VPS50: variants seen among roughly 807,000 people sequenced by gnomAD.
The protein encoded by VPS50 is VPS50 subunit of EARP/GARPII complex.
VPS50 carries 70 observed loss-of-function variants against 139.7 expected under a neutral mutation model. The observed-to-expected ratio is 0.50, with a 90% CI of 0.41 to 0.61. The LOEUF (loss-of-function observed/expected upper bound fraction) is 0.61, where lower values mean the gene tolerates loss of function less well. Among genes scored for constraint, VPS50 ranks in the 20% least tolerant of loss-of-function variants. VPS50 has a pLI of 0.00. For synonymous variants in VPS50, 365 were observed against 376.7 expected (o/e 0.97, Z 0.36); for missense variants, 921 against 1,133.7 (o/e 0.81, Z 2.69).
At chr7:93,252,878 C>T in intron 3 of VPS50, 103 bp downstream of exon 3, 1 of 808,234 alleles carries the variant, frequency 1.2e-6, no homozygotes, top group South Asian at 1.9e-5. Flanking sequence ...TTTTTGGTAC[C>T]AGAATAGGTC....
chr7:93,259,666 G>T lies in VPS50; in HGVS notation c.659+34G>T, dbSNP rs768453681. Reference sequence around the variant, plus strand: ...ATGTAAATGTTTTAAAGCAGATTCTGTTGTCAGCTTCTTATGTAGCAGCTG... The same window carrying T: ...ATGTAAATGTTTTAAAGCAGATTCTTTTGTCAGCTTCTTATGTAGCAGCTG... On this transcript the variant is annotated intron_variant, in intron 9 of 27. Coordinates refer to ENST00000305866, the MANE Select transcript of VPS50 (RefSeq NM_017667.4). The T allele has an allele frequency of 7.4e-6, 8 of 1,075,218 alleles. No individual in the cohort carries two copies. In the South Asian group the frequency reaches 1.0e-4, roughly 14 times the overall value. The allele number at this position is 1,075,218 out of a possible 1,614,324, so 66.6% of individuals were successfully genotyped here. A position where few individuals can be genotyped will look rare whatever the true frequency, so the allele number is the denominator to read the frequency against.
chr7:93,341,322 G>T lies in VPS50; in HGVS notation c.2059-105G>T, dbSNP rs1046513129. ...AGAACTGAACCTAAATGTAATTAAC[G>T]TGTGCCCCAAGAGTATTTTAATTTT... On this transcript the variant is annotated intron_variant, in intron 22 of 27. Transcript: ENST00000305866. 52 of 674,646 alleles carry T rather than the reference G, an allele frequency of 7.7e-5. 1 individual carries two copies. In the Admixed American group the frequency reaches 1.6e-3, roughly 21 times the overall value. 41.8% of individuals were successfully genotyped at this position (674,646 alleles called of 1,614,324 possible). A position where few individuals can be genotyped will look rare whatever the true frequency, so the allele number is the denominator to read the frequency against.
chr7:93,348,080 A>T (rs1205323480), intron 23 of VPS50, among the ~76,000 whole-genome samples: 5 of 152,206 alleles, frequency 3.3e-5, no homozygotes, highest in African/African-American at 1.2e-4. Context: ...GCATTTCTAT[A>T]AAATGTAGTC....
chr7:93,333,238 A>T (rs1243225372), intron 21 of VPS50, among the ~76,000 whole-genome samples: 1 of 152,108 alleles, frequency 6.6e-6, no homozygotes, highest in Non-Finnish European at 1.5e-5. Context: ...TTCACGTAAG[A>T]CTCTCTGACA....
intron 14 of VPS50, 129 bp from the exon 15 acceptor site, chr7:93,296,613 T>C (rs1026707944): frequency 9.6e-6 from 14 of 1,455,544 alleles, no homozygotes; most frequent in African/African-American, 5.8e-5. Flanking sequence ...TTGGCCTAAA[T>C]AGATATTCGT....
At chr7:93,346,503 G>A (rs936012595) in intron 23 of VPS50, among the ~76,000 whole-genome samples, 22 of 152,252 alleles carry the variant, frequency 1.4e-4, no homozygotes, top group South Asian at 4.1e-4. Context: ...CCAAAAAAGA[G>A]CCTGCATCGC....
chr7:93,298,735 A>G (rs1796885785), intron 16 of VPS50, among the ~76,000 whole-genome samples: 1 of 152,242 alleles, frequency 6.6e-6, no homozygotes, highest in Admixed American at 6.5e-5. Flanking sequence ...AAATACAGAA[A>G]TGAATGACTT....
chr7:93,312,379 G>A (rs1797294451), intron 20 of VPS50, among the ~76,000 whole-genome samples: 2 of 152,160 alleles, frequency 1.3e-5, no homozygotes, highest in Non-Finnish European at 2.9e-5. Context: ...TTGCCATGAA[G>A]TCGGTTGTCT....
intron 16 of VPS50, among the ~76,000 whole-genome samples, chr7:93,301,524 C>G (rs1000450646): frequency 6.6e-6 from 1 of 152,038 alleles, no homozygotes; most frequent in Admixed American, 6.6e-5. Context: ...TGCGCTTCTT[C>G]AATCTGGTAC....
At chr7:93,290,522 G>A (rs1218529105) in intron 12 of VPS50, among the ~76,000 whole-genome samples, 2 of 151,016 alleles carry the variant, frequency 1.3e-5, no homozygotes, top group Non-Finnish European at 1.5e-5. Context: ...GTTAGGAGTG[G>A]GTTTTGAATT....
intron 22 of VPS50, among the ~76,000 whole-genome samples, chr7:93,336,291 C>T (rs1362492611): frequency 1.3e-5 from 2 of 152,102 alleles, no homozygotes; most frequent in African/African-American, 4.8e-5. Context: ...AAAATAGAAT[C>T]ATTGTGGTCT....
chr7:93,341,499 C>T lies in VPS50; in HGVS notation c.2131C>T (p.Leu711Phe). The change falls in exon 23 of 28, where the codon CTC becomes TTC. Residue 711 changes from leucine (L) to phenylalanine (F), a missense_variant. By Grantham distance (22) the Leu-to-Phe change is conservative. This residue lies in a region of VPS50 where 744 missense variants were observed against 930.6 expected (regional missense o/e 0.80). Transcript: ENST00000305866. ...AAAGGAGAAGGTGCCAAGTCCACAC[C>T]TCAGTCACCTAGTGGTTTTGACATC... The part of the protein sequence containing the change: ...ERKEKVPSPH[L>F]SHLVVLTSGD... The T allele has an allele frequency of 6.2e-7, 1 of 1,610,822 alleles. No homozygotes were observed. The highest frequency in any genetic ancestry group is 2.2e-5 in the East Asian group (1 of 44,798).
At chr7:93,281,922 C>T (rs544666614) in intron 12 of VPS50, among the ~76,000 whole-genome samples, 282 of 152,104 alleles carry the variant, frequency 1.9e-3, no homozygotes, top group Middle Eastern at 3.4e-3. Flanking sequence ...ACAATTTTTC[C>T]GGCTGGGCGC....
chr7:93,295,155 A>C (rs138715686), intron 14 of VPS50, among the ~76,000 whole-genome samples: 7 of 152,316 alleles, frequency 4.6e-5, no homozygotes, highest in African/African-American at 1.7e-4. Context: ...CTCCTATAAC[A>C]AAATATTCTA....
intron 20 of VPS50, among the ~76,000 whole-genome samples, chr7:93,322,612 A>G (rs1254663599): frequency 2.0e-5 from 3 of 151,708 alleles, no homozygotes; most frequent in Non-Finnish European, 4.4e-5. Context: ...AAAAAAAAAA[A>G]AAAAAAAAAA....
rs571915605 is a variant in VPS50 at position 93,342,395 on chromosome 7, T to C, written c.2207+820T>C. 1.6e-3 allele frequency among the ~76,000 whole-genome samples: 237 copies of C among 152,246 alleles called. 3 individuals are homozygous for C. The highest frequency in any genetic ancestry group is 5.5e-3 in the African/African-American group (230 of 41,550). On this transcript the variant is annotated intron_variant, in intron 23 of 27. Coordinates refer to ENST00000305866, the MANE Select transcript of VPS50 (RefSeq NM_017667.4). Reference sequence around the variant, plus strand: ...TCAAACTGCAAGGCGGCAGTGACGCTGGGGGAGGGGCACCCGCCATTGCCC... The same window carrying C: ...TCAAACTGCAAGGCGGCAGTGACGCCGGGGGAGGGGCACCCGCCATTGCCC...
chr7:93,239,380 A>G (rs1303129087), intron 1 of VPS50, among the ~76,000 whole-genome samples: 1 of 152,214 alleles, frequency 6.6e-6, no homozygotes, highest in Non-Finnish European at 1.5e-5. Flanking sequence ...ATCTTAATTT[A>G]TGCAGCATGA....
At chr7:93,268,382 T>C (rs1461390883) in intron 9 of VPS50, among the ~76,000 whole-genome samples, 1 of 152,178 alleles carries the variant, frequency 6.6e-6, no homozygotes, top group Non-Finnish European at 1.5e-5. Context: ...GTCTGTTACA[T>C]AGGTAAATGT....
intron 12 of VPS50, among the ~76,000 whole-genome samples, chr7:93,278,344 C>T (rs936977575): frequency 1.3e-5 from 2 of 151,828 alleles, no homozygotes; most frequent in Non-Finnish European, 2.9e-5. Context: ...TGGCTTATGC[C>T]TGTAATCCCA....
Sources: gnomAD v4.1 joint callset for allele counts (sites outside exome capture counted in the v4.1 genomes callset) on GRCh38, gnomAD v4.1.1 for gene constraint, gnomAD v4.1.1 regional missense constraint, MANE v1.5 for transcripts, NCBI Gene and HGNC (gene_info 2026-07-23, HGNC 2026-07-21) for gene names.